Variants in PCDH9 observed in about 807,000 individuals in gnomAD.
PCDH9 encodes the protein protocadherin 9.
PCDH9 carries 24 observed loss-of-function variants against 70.6 expected under a neutral mutation model. That is an observed-to-expected ratio of 0.34 (90% CI 0.25 to 0.48). The LOEUF (loss-of-function observed/expected upper bound fraction) is 0.48. Among genes scored for constraint, PCDH9 ranks in the 20% least tolerant of loss-of-function variants. The probability of loss-of-function intolerance (pLI) is 0.99; values close to 1 mark genes in which losing one functional copy is unlikely to be tolerated. For missense variants in PCDH9, 1,281 were observed against 1,503.6 expected (o/e 0.85, Z 2.45); for synonymous variants, 562 against 558.5 (o/e 1.01, Z -0.09).
chr13:67,197,482 G>C (rs909515662), intron 2 of PCDH9, among the ~76,000 whole-genome samples: 8 of 151,964 alleles, frequency 5.3e-5, no homozygotes, highest in African/African-American at 1.7e-4. Context: ...TGCATTGAGA[G>C]CCCAATAACT....
intron 4 of PCDH9, among the ~76,000 whole-genome samples, chr13:66,373,128 T>G (rs1019470490): frequency 1.3e-5 from 2 of 151,988 alleles, no homozygotes; most frequent in African/African-American, 2.4e-5. Flanking sequence ...AAATATGGTA[T>G]ATTTTATAAT....
At chr13:67,091,785 C>A (rs1021052739) in intron 2 of PCDH9, among the ~76,000 whole-genome samples, 16 of 152,234 alleles carry the variant, frequency 1.1e-4, no homozygotes, top group Middle Eastern at 3.4e-3. Flanking sequence ...AATAGTTCCT[C>A]GGTCATGTCA....
intron 3 of PCDH9, among the ~76,000 whole-genome samples, chr13:66,648,439 G>A (rs61960073): frequency 0.067 from 10,269 of 152,284 alleles, 404 homozygotes; most frequent in Middle Eastern, 0.099. Flanking sequence ...AATTCTTCTG[G>A]ACCTTATCGT....
chr13:67,226,040 C>G lies in PCDH9; in HGVS notation c.2401G>C (p.Gly801Arg). The change falls in exon 2 of 5, where the codon GGG becomes CGG. Residue 801 changes from glycine (G) to arginine (R), a missense_variant. Gly to Arg is a moderately radical substitution (Grantham distance 125, BLOSUM62 -2). Around this residue, in one of 4 missense-constraint regions of PCDH9, gnomAD observed 798 missense variants for 1,003.1 expected, o/e 0.80. Coordinates refer to ENST00000377865, the MANE Select transcript of PCDH9 (RefSeq NM_203487.3). The surrounding 1 kb of genome is among the most constrained non-coding windows in gnomAD (Gnocchi z 5.0). ...TMETPLDRNI[G>R]DSSQPYQNED... Reference sequence around the variant, plus strand: ...TTTTGATAGGGTTGGCTACTATCCCCTATGTTCCTGTCCAACGGGGTCTCC... The same window carrying G: ...TTTTGATAGGGTTGGCTACTATCCCGTATGTTCCTGTCCAACGGGGTCTCC... 1 of 1,614,040 alleles carries G rather than the reference C, an allele frequency of 6.2e-7. No individual in the cohort carries two copies. Among genetic ancestry groups the G allele is most frequent in the Non-Finnish European group, 8.5e-7 (1 of 1,179,998 alleles).
At chr13:66,638,080 C>T (rs1416570412) in intron 3 of PCDH9, among the ~76,000 whole-genome samples, 1 of 152,130 alleles carries the variant, frequency 6.6e-6, no homozygotes, top group Admixed American at 6.5e-5. Context: ...TCATTCATCT[C>T]TTCACTTAAA....
intron 2 of PCDH9, among the ~76,000 whole-genome samples, chr13:67,070,312 G>T (rs1400465082): frequency 6.6e-6 from 1 of 152,002 alleles, no homozygotes; most frequent in Non-Finnish European, 1.5e-5. Flanking sequence ...TAAAGAAAAA[G>T]AGAGTCTCAT....
At chr13:66,447,417 A>T (rs1958115289) in intron 4 of PCDH9, among the ~76,000 whole-genome samples, 1 of 152,086 alleles carries the variant, frequency 6.6e-6, no homozygotes, top group Admixed American at 6.6e-5. Flanking sequence ...ACCACAAATT[A>T]TGATACTATG....
intron 2 of PCDH9, among the ~76,000 whole-genome samples, chr13:67,198,566 A>G (rs2089133040): frequency 6.6e-6 from 1 of 151,956 alleles, no homozygotes; most frequent in South Asian, 2.1e-4. Context: ...GAAACATACC[A>G]AATCATGAAT....
At chr13:66,939,676 C>T (rs924424027) in intron 2 of PCDH9, among the ~76,000 whole-genome samples, 3 of 152,018 alleles carry the variant, frequency 2.0e-5, no homozygotes, top group Admixed American at 2.0e-4. Context: ...CCTCAGCCTC[C>T]CAAAGTGCTG....
At chr13:66,846,623 G>T (rs9317619) in intron 3 of PCDH9, among the ~76,000 whole-genome samples, 46,980 of 151,014 alleles carry the variant, frequency 0.31, 7,783 homozygotes, top group Non-Finnish European at 0.37. Flanking sequence ...TTTCCTTCTC[G>T]TTCACTTCTT....
intron 3 of PCDH9, among the ~76,000 whole-genome samples, chr13:66,801,757 G>A (rs1330160987): frequency 6.6e-6 from 1 of 152,014 alleles, no homozygotes; most frequent in Non-Finnish European, 1.5e-5. Flanking sequence ...TCAAATTGCA[G>A]AAAGGTTAAG....
chr13:67,050,580 G>A lies in PCDH9; in HGVS notation c.3037-146975C>T, dbSNP rs542452940. Among the ~76,000 whole-genome samples the A allele has an allele frequency of 3.9e-5, 6 of 152,258 alleles. No homozygotes were observed. The South Asian group carries it at 1.2e-3, about 32-fold the overall frequency. ...CAAGCTTACTCATCTATAAGCAGTA[G>A]GCAGCTACATATTGTTATTGTACAA... On this transcript the variant is annotated intron_variant, in intron 2 of 4. Coordinates refer to ENST00000377865, the MANE Select transcript of PCDH9 (RefSeq NM_203487.3).
intron 3 of PCDH9, among the ~76,000 whole-genome samples, chr13:66,739,314 C>T (rs1021147547): frequency 7.2e-5 from 9 of 125,408 alleles, no homozygotes; most frequent in African/African-American, 1.1e-4. Context: ...CACCACCAGG[C>T]CTGCCCTAAA....
intron 4 of PCDH9, among the ~76,000 whole-genome samples, chr13:66,606,067 G>C (rs904204356): frequency 2.0e-5 from 3 of 152,050 alleles, no homozygotes; most frequent in Non-Finnish European, 2.9e-5. Context: ...AGCTCTTTTA[G>C]CTATTAGTGG....
chr13:67,132,629 C>T (rs1001091702), intron 2 of PCDH9, among the ~76,000 whole-genome samples: 1 of 151,794 alleles, frequency 6.6e-6, no homozygotes, highest in Non-Finnish European at 1.5e-5. Flanking sequence ...TTCTAAGAGA[C>T]TGTAAGAATG....
rs138681928 is a variant in PCDH9 at position 66,348,474 on chromosome 13, T to C, written c.3341-43446A>G. ...GTGCAGTGGAGCGATCTCAGCTCAC[T>C]GCAACTTCCACTTCCGGGATTCAAG... On this transcript the variant is annotated intron_variant, in intron 4 of 4. Coordinates refer to ENST00000377865, the MANE Select transcript of PCDH9 (RefSeq NM_203487.3). 8.9e-3 allele frequency among the ~76,000 whole-genome samples: 1,347 copies of C among 152,038 alleles called. 5 individuals carry two copies. Among genetic ancestry groups the C allele is most frequent in the Non-Finnish European group, 0.016 (1,073 of 67,978 alleles).
intron 2 of PCDH9, among the ~76,000 whole-genome samples, chr13:67,111,021 G>A (rs1412551962): frequency 2.0e-5 from 3 of 152,130 alleles, no homozygotes; most frequent in African/African-American, 4.8e-5. Context: ...CAATGCATAT[G>A]GCTGATTGAA....
intron 3 of PCDH9, among the ~76,000 whole-genome samples, chr13:66,645,147 A>G (rs2077755033): frequency 6.6e-6 from 1 of 152,090 alleles, no homozygotes; most frequent in African/African-American, 2.4e-5. Flanking sequence ...GAAGAGTTTC[A>G]TCAGATTTGC....
chr13:66,667,507 G>A (rs1433342125), intron 3 of PCDH9, among the ~76,000 whole-genome samples: 2 of 152,142 alleles, frequency 1.3e-5, no homozygotes, highest in African/African-American at 4.8e-5. Context: ...ACAGAAACCT[G>A]CAAGTACTGT....
Sources: gnomAD v4.1 joint callset for allele counts (sites outside exome capture counted in the v4.1 genomes callset) on GRCh38, gnomAD v4.1.1 for gene constraint, gnomAD v4.1.1 regional missense constraint, Gnocchi (gnomAD v3.1) non-coding constraint, MANE v1.5 for transcripts, NCBI Gene and HGNC (gene_info 2026-07-23, HGNC 2026-07-21) for gene names.